Variants in ADAMTS20 observed in about 807,000 individuals in gnomAD.
The protein encoded by ADAMTS20 is A disintegrin and metalloproteinase with thrombospondin motifs 20.
ADAMTS20 carries 225 observed loss-of-function variants against 260.1 expected under a neutral mutation model. The observed-to-expected ratio is 0.87, with a 90% CI of 0.78 to 0.97. The LOEUF (loss-of-function observed/expected upper bound fraction) is 0.97, where lower values mean the gene tolerates loss of function less well. Ranked by LOEUF, ADAMTS20 falls within the 50% of genes least tolerant of loss-of-function variation. ADAMTS20 has a pLI of 0.00. For synonymous variants in ADAMTS20, 802 were observed against 769.5 expected (o/e 1.04, Z -0.70); for missense variants, 2,400 against 2,337.7 (o/e 1.03, Z -0.55).
intron 3 of ADAMTS20, among the ~76,000 whole-genome samples, chr12:43,526,373 G>C (rs1038718176): frequency 2.6e-5 from 4 of 152,102 alleles, no homozygotes; most frequent in Non-Finnish European, 5.9e-5. Flanking sequence ...CAGGAGAATG[G>C]TGTGAACCCG....
At chr12:43,426,674 C>T (rs1000391628) in intron 27 of ADAMTS20, among the ~76,000 whole-genome samples, 14 of 152,210 alleles carry the variant, frequency 9.2e-5, no homozygotes, top group Admixed American at 3.3e-4. Context: ...AAAAGATTTG[C>T]CAAATGCATA....
chr12:43,423,558 T>A (rs1941273870), intron 28 of ADAMTS20: 1 of 591,376 alleles, frequency 1.7e-6, no homozygotes, highest in African/African-American at 1.9e-5. Context: ...TGGGAAAAAA[T>A]TCCAAGAAAG....
At chr12:43,418,413 G>A (rs1015145879) in intron 28 of ADAMTS20, among the ~76,000 whole-genome samples, 2 of 152,092 alleles carry the variant, frequency 1.3e-5, no homozygotes, top group East Asian at 1.9e-4. Context: ...AGGTTCAAGC[G>A]ATTCTCCTGC....
At chr12:43,454,416 C>G (rs1246645744) in intron 11 of ADAMTS20, among the ~76,000 whole-genome samples, 1 of 152,130 alleles carries the variant, frequency 6.6e-6, no homozygotes, top group African/African-American at 2.4e-5. Flanking sequence ...TCTATACACT[C>G]TTCCACTCTT....
At chr12:43,437,228 T>C (rs569896146) in intron 18 of ADAMTS20, among the ~76,000 whole-genome samples, 2 of 152,270 alleles carry the variant, frequency 1.3e-5, no homozygotes, top group African/African-American at 2.4e-5. Flanking sequence ...CAAGATGTTA[T>C]GAGAAGAAAC....
At chr12:43,357,323 G>A (rs566128654) in intron 37 of ADAMTS20, among the ~76,000 whole-genome samples, 2 of 152,242 alleles carry the variant, frequency 1.3e-5, no homozygotes, top group Admixed American at 6.5e-5. Flanking sequence ...ACAATATTAC[G>A]ACATTCTTTA....
chr12:43,411,855 T>C (rs1375199608), intron 28 of ADAMTS20, among the ~76,000 whole-genome samples: 2 of 152,142 alleles, frequency 1.3e-5, no homozygotes, highest in African/African-American at 4.8e-5. Flanking sequence ...AATAACTATG[T>C]AAAATTTTCA....
intron 18 of ADAMTS20, 123 bp downstream of exon 18, chr12:43,439,499 A>G (rs1164915932): frequency 3.5e-6 from 4 of 1,134,454 alleles, no homozygotes; most frequent in East Asian, 2.5e-5. Flanking sequence ...AAACTTTTGT[A>G]TGTCTGTGGG....
chr12:43,541,896 T>C (rs1441145119), intron 2 of ADAMTS20, among the ~76,000 whole-genome samples: 1 of 152,196 alleles, frequency 6.6e-6, no homozygotes, highest in African/African-American at 2.4e-5. Flanking sequence ...AATAAATACG[T>C]TGCTGGTACC....
chr12:43,453,161 A>C (rs1007663098), intron 12 of ADAMTS20, among the ~76,000 whole-genome samples: 1 of 152,170 alleles, frequency 6.6e-6, no homozygotes, highest in African/African-American at 2.4e-5. Context: ...ATTTTGACTT[A>C]TGCTGGAAAA....
At chr12:43,461,451 C>T (rs1015066929) in intron 11 of ADAMTS20, among the ~76,000 whole-genome samples, 4 of 152,042 alleles carry the variant, frequency 2.6e-5, no homozygotes, top group African/African-American at 9.7e-5. Context: ...TATGCCCTAA[C>T]TGGATTTAGA....
chr12:43,537,557 T>C (rs1943314057), intron 2 of ADAMTS20, among the ~76,000 whole-genome samples: 1 of 152,162 alleles, frequency 6.6e-6, no homozygotes, highest in Non-Finnish European at 1.5e-5. Context: ...TTTTAAAATA[T>C]ACAATTAAAT....
At chr12:43,466,612 A>G (rs760865969) in intron 9 of ADAMTS20, 40 bp downstream of exon 9, 1 of 1,556,120 alleles carries the variant, frequency 6.4e-7, no homozygotes, top group African/African-American at 1.4e-5. Flanking sequence ...AAATCTTATA[A>G]TCGAATACAT....
At chr12:43,470,497 A>G (rs1313371533) in intron 7 of ADAMTS20, among the ~76,000 whole-genome samples, 1 of 152,224 alleles carries the variant, frequency 6.6e-6, no homozygotes, top group Admixed American at 6.5e-5. Flanking sequence ...TAAATGGTTA[A>G]TATTATGGAA....
intron 27 of ADAMTS20, 39 bp downstream of exon 27, chr12:43,427,269 T>C (rs976739484): frequency 6.3e-6 from 10 of 1,596,382 alleles, no homozygotes; most frequent in South Asian, 1.1e-5. Flanking sequence ...TCTTCAGAGA[T>C]GTAATAATCT....
Position 43,412,086 on chromosome 12 carries a change from T to C in ADAMTS20, c.4285-12853A>G, listed in dbSNP as rs529795616. Among the ~76,000 whole-genome samples, 11 of 152,282 alleles carry C rather than the reference T, an allele frequency of 7.2e-5. No homozygotes were observed. In the South Asian group the frequency reaches 2.3e-3, roughly 32 times the overall value. On this transcript the variant is annotated intron_variant, in intron 28 of 38. Coordinates refer to ENST00000389420, the MANE Select transcript of ADAMTS20 (RefSeq NM_025003.5). The stretch of plus-strand genomic sequence containing the variant: ...TAACGGCAGAAACCAGTTCCATAAA[T>C]GTTTACTGAATAAAGAAATGAACCG...
chr12:43,438,015 A>T (rs138539291), intron 18 of ADAMTS20, among the ~76,000 whole-genome samples: 339 of 152,348 alleles, frequency 2.2e-3, no homozygotes, highest in African/African-American at 7.7e-3. Flanking sequence ...CAGTACACAG[A>T]AACAAACAAA....
chr12:43,399,902 A>G (rs1940776281), intron 28 of ADAMTS20, among the ~76,000 whole-genome samples: 1 of 152,084 alleles, frequency 6.6e-6, no homozygotes, highest in African/African-American at 2.4e-5. Flanking sequence ...AGGACAGTGC[A>G]ATATGGTAGA....
At chr12:43,447,219 T>A (rs1382085362) in intron 14 of ADAMTS20, among the ~76,000 whole-genome samples, 1 of 151,742 alleles carries the variant, frequency 6.6e-6, no homozygotes, top group African/African-American at 2.4e-5. Context: ...ATATCCTTGA[T>A]GAATACTGAT....
Sources: allele counts gnomAD v4.1 joint callset (sites outside exome capture counted in the v4.1 genomes callset), GRCh38; gene constraint gnomAD v4.1.1; transcripts MANE v1.5; gene names NCBI Gene and HGNC (gene_info 2026-07-23, HGNC 2026-07-21).